Variants in KIF4A observed in about 807,000 individuals in gnomAD.
KIF4A encodes chromosome-associated kinesin KIF4A.
KIF4A carries 7 observed loss-of-function variants against 105.9 expected under a neutral mutation model. The observed-to-expected ratio is 0.07, with a 90% CI of 0.04 to 0.12. KIF4A has a LOEUF of 0.12. Among genes scored for constraint, KIF4A ranks in the 10% least tolerant of loss-of-function variants. The pLI, the probability that KIF4A is intolerant of heterozygous loss-of-function variation, is 1.00. For missense variants in KIF4A, 558 were observed against 929.2 expected (o/e 0.60, Z 5.19); for synonymous variants, 281 against 331.3 (o/e 0.85, Z 1.65).
intron 20 of KIF4A, among the ~76,000 whole-genome samples, chrX:70,392,901 C>T (rs1389109369): frequency 9.4e-6 from 1 of 106,584 alleles, no homozygotes; most frequent in East Asian, 2.9e-4. Context: ...CGCTCTGTCA[C>T]CCAGGCTGGA....
Position 70,396,040 on chromosome X carries a change from T to C in KIF4A, c.2480T>C (p.Met827Thr). 8.5e-7 allele frequency: 1 copy of C among 1,182,448 alleles called. No homozygotes were observed. The highest frequency in any genetic ancestry group is 1.1e-6 in the Non-Finnish European group (1 of 871,235). ...CAGATTGAAAGCCTAGAGACTGAAA[T>C]GGAATTCAGGTAACAGGGACTATCT... ...TKQIESLETE[M>T]EFRSAQIADL... is the part of the protein sequence containing the mutation. The change falls in exon 22 of 31, where the codon ATG becomes ACG. Residue 827 changes from methionine (M) to threonine (T), a missense_variant. By Grantham distance (81) the Met-to-Thr change is moderately conservative. Coordinates refer to ENST00000374403, the MANE Select transcript of KIF4A (RefSeq NM_012310.5).
At chrX:70,386,916 C>G (rs2086219901) in intron 19 of KIF4A, among the ~76,000 whole-genome samples, 1 of 111,636 alleles carries the variant, frequency 9.0e-6, no homozygotes, top group Non-Finnish European at 1.9e-5. Context: ...TTTTTCCTAA[C>G]TGGACGTGAG....
intron 9 of KIF4A, among the ~76,000 whole-genome samples, chrX:70,332,634 T>G (rs867715792): frequency 9.2e-4 from 102 of 111,205 alleles, no homozygotes; most frequent in African/African-American, 3.0e-3. Context: ...GGGAGAGACT[T>G]GAACATATTT....
chrX:70,416,630 G>C (rs752962799), intron 28 of KIF4A, among the ~76,000 whole-genome samples: 5 of 111,351 alleles, frequency 4.5e-5, no homozygotes, highest in Non-Finnish European at 7.5e-5. Flanking sequence ...GCCACCGCAC[G>C]GTCTACTTTT....
chrX:70,388,706 T>G (rs1194372646), intron 20 of KIF4A, among the ~76,000 whole-genome samples: 1 of 112,072 alleles, frequency 8.9e-6, no homozygotes, highest in Non-Finnish European at 1.9e-5. Flanking sequence ...TTGTGAAATA[T>G]GTGTTCAAAT....
intron 15 of KIF4A, among the ~76,000 whole-genome samples, chrX:70,369,224 C>T (rs1569243880): frequency 2.7e-5 from 3 of 112,302 alleles, no homozygotes; most frequent in South Asian, 3.7e-4. Context: ...CGCCCTGCTT[C>T]GGCTCACGCT....
At chrX:70,304,139 T>G (rs1182127991) in intron 7 of KIF4A, among the ~76,000 whole-genome samples, 3 of 88,119 alleles carry the variant, frequency 3.4e-5, no homozygotes, top group Non-Finnish European at 6.6e-5. Flanking sequence ...CCTTCCTGTG[T>G]CCATGTGTTC....
At chrX:70,352,697 C>T in intron 14 of KIF4A, 41 bp downstream of exon 14, 1 of 903,858 alleles carries the variant, frequency 1.1e-6, no homozygotes, top group Non-Finnish European at 1.6e-6. Flanking sequence ...GGAGCTCTAA[C>T]TGCCGTTTCC....
chrX:70,384,272 C>T (rs2086208534), intron 18 of KIF4A, among the ~76,000 whole-genome samples: 1 of 111,577 alleles, frequency 9.0e-6, no homozygotes, highest in Middle Eastern at 4.6e-3. Context: ...GCAAAATATA[C>T]CTTTCAAAAA....
intron 7 of KIF4A, 94 bp from the exon 8 acceptor site, chrX:70,329,311 A>G (rs2085921849): frequency 1.3e-6 from 1 of 799,725 alleles, no homozygotes; most frequent in African/African-American, 2.1e-5. Context: ...CGATATTTTT[A>G]TGGGGTCTTT....
At chrX:70,299,826 G>GT (rs1327489931) in intron 5 of KIF4A, among the ~76,000 whole-genome samples, 3 of 112,191 alleles carry the variant, frequency 2.7e-5, no homozygotes, top group Non-Finnish European at 5.6e-5. Context: ...TTTAAAACAT[G>GT]TAAGTATCAT....
intron 18 of KIF4A, among the ~76,000 whole-genome samples, chrX:70,382,990 G>T (rs1243693086): frequency 9.1e-6 from 1 of 110,387 alleles, no homozygotes; most frequent in Non-Finnish European, 1.9e-5. Context: ...TTCGAGACCA[G>T]CCTGACCAAC....
intron 9 of KIF4A, among the ~76,000 whole-genome samples, 172 bp downstream of exon 9, chrX:70,330,504 G>T (rs2147691636): frequency 8.9e-6 from 1 of 111,969 alleles, no homozygotes; most frequent in African/African-American, 3.2e-5. Context: ...GTCCATTTAA[G>T]ATTGGGGGTA....
At position 70,375,246 on chromosome X, in the gene KIF4A, T is replaced by C. The variant is rs1430799118; in HGVS notation, c.1821T>C (p.Gly607=). 5 of 1,208,737 alleles carry C rather than the reference T, an allele frequency of 4.1e-6. No homozygotes were observed. The highest frequency in any genetic ancestry group is 5.6e-6 in the Non-Finnish European group (5 of 894,811). Reference sequence around the variant, plus strand: ...GCAAACGTCTCCAGGAGCTGGAGGGTCAAATTGCTGATCTGAAGAAGAAAC... The same window carrying C: ...GCAAACGTCTCCAGGAGCTGGAGGGCCAAATTGCTGATCTGAAGAAGAAAC... ...RRRKRLQELE[G]QIADLKKKLN... Residue 607 remains glycine, a synonymous_variant, in exon 17 of 31, where the codon GGT becomes GGC. Transcript: ENST00000374403.
intron 7 of KIF4A, among the ~76,000 whole-genome samples, chrX:70,328,069 G>A (rs1473839077): frequency 8.9e-6 from 1 of 111,838 alleles, no homozygotes; most frequent in African/African-American, 3.2e-5. Context: ...CAGGAATTTC[G>A]AGTTCAGGAT....
chrX:70,290,744 T>C lies in KIF4A; in HGVS notation c.174T>C (p.Ser58=). 2 of 1,210,269 alleles carry C rather than the reference T, an allele frequency of 1.7e-6. No individual in the cohort carries two copies. Among genetic ancestry groups the C allele is most frequent in the Non-Finnish European group, 2.2e-6 (2 of 894,121 alleles). Residue 58 remains serine (S), a synonymous_variant, in exon 3 of 31, where the codon TCT becomes TCC. Coordinates refer to ENST00000374403, the MANE Select transcript of KIF4A (RefSeq NM_012310.5). ...CCTACGATTTTGTATTTGATCCCTCTACTGAACAGGAAGAAGTCTTCAATA... is the reference window on the plus strand; with the variant it reads ...CCTACGATTTTGTATTTGATCCCTCCACTGAACAGGAAGAAGTCTTCAATA... ...SFTYDFVFDP[S]TEQEEVFNTA...
At chrX:70,417,171 C>T (rs1162360891) in intron 28 of KIF4A, among the ~76,000 whole-genome samples, 1 of 112,751 alleles carries the variant, frequency 8.9e-6, no homozygotes, top group Non-Finnish European at 1.9e-5. Context: ...ATTATGCTAT[C>T]CCTCTGATCT....
chrX:70,362,161 G>C (rs1303911084), intron 15 of KIF4A: 1 of 231,972 alleles, frequency 4.3e-6, no homozygotes, highest in Non-Finnish European at 8.0e-6. Flanking sequence ...AGTGACTTAT[G>C]AGGCAAGACC....
At chrX:70,419,468 C>G (rs1025538972) in intron 29 of KIF4A, among the ~76,000 whole-genome samples, 193 bp from the exon 30 acceptor site, 4 of 112,184 alleles carry the variant, frequency 3.6e-5, no homozygotes, top group African/African-American at 1.3e-4. Flanking sequence ...AGGCCACCTA[C>G]AGGCATTGCT....
Sources: gnomAD v4.1 joint callset for allele counts (sites outside exome capture counted in the v4.1 genomes callset) on GRCh38, gnomAD v4.1.1 for gene constraint, MANE v1.5 for transcripts, NCBI Gene and HGNC (gene_info 2026-07-23, HGNC 2026-07-21) for gene names.